NLRP13: variants seen among roughly 807,000 people sequenced by gnomAD.
NLRP13 encodes NLR family pyrin domain containing 13.
In NLRP13, 82 loss-of-function variants were observed where a neutral mutation model predicts 94.4. The ratio of observed to expected loss-of-function variants is 0.87; its 90% CI spans 0.73 to 1.04. The LOEUF is 1.04. Ranked by LOEUF, NLRP13 falls within the 50% of genes least tolerant of loss-of-function variation. The pLI is 0.00. For missense variants in NLRP13, 1,426 were observed against 1,230.8 expected, an observed-to-expected ratio of 1.16 and a Z score of -2.37; for synonymous variants, 553 against 464.7, an observed-to-expected ratio of 1.19 and a Z score of -2.45.
At position 55,932,053 on chromosome 19, in the gene NLRP13, C is replaced by A. The variant is rs184435930; in HGVS notation, c.259G>T (p.Gly87Cys). 3.1e-6 allele frequency: 5 copies of A among 1,614,042 alleles called. No homozygotes were observed. Among genetic ancestry groups the A allele is most frequent in the Non-Finnish European group, 3.4e-6 (4 of 1,180,016 alleles). ...PKGQAWKVVLGIFQTMNLTSL... is the reference protein window; with the variant it reads ...PKGQAWKVVLCIFQTMNLTSL... Reference sequence around the variant, plus strand: ...GTCAGATTCATTGTCTGGAAGATGCCGAGGACCACTTTCCATGCCTGACCT... The same window carrying A: ...GTCAGATTCATTGTCTGGAAGATGCAGAGGACCACTTTCCATGCCTGACCT... Residue 87 changes from glycine to cysteine, a missense_variant, in exon 1 of 11, where the codon GGC becomes TGC. Transcript: ENST00000342929.
At chr19:55,908,475 C>T (rs760498754) in intron 6 of NLRP13, among the ~76,000 whole-genome samples, 13 of 152,284 alleles carry the variant, frequency 8.5e-5, no homozygotes, top group Non-Finnish European at 1.0e-4. Context: ...TGCACACGTA[C>T]GTTCATTGCA....
chr19:55,929,627 G>A (rs570620833), intron 1 of NLRP13, among the ~76,000 whole-genome samples: 3 of 152,110 alleles, frequency 2.0e-5, no homozygotes, highest in African/African-American at 7.2e-5. Flanking sequence ...CCTGTCAGTG[G>A]GTGGGGGGCT....
downstream of NLRP13, among the ~76,000 whole-genome samples, chr19:55,894,001 C>A (rs1985930008): frequency 6.7e-6 from 1 of 149,932 alleles, no homozygotes; most frequent in Non-Finnish European, 1.5e-5. Context: ...CTGAGATGTA[C>A]CAGTAACAGC....
chr19:55,923,428 G>C (rs1303917737), intron 4 of NLRP13, among the ~76,000 whole-genome samples: 2 of 152,200 alleles, frequency 1.3e-5, no homozygotes, highest in Non-Finnish European at 2.9e-5. Context: ...AGAATGCAGG[G>C]AAGTTTATCT....
At chr19:55,929,469 T>C (rs1010067927) in intron 1 of NLRP13, among the ~76,000 whole-genome samples, 3 of 152,208 alleles carry the variant, frequency 2.0e-5, no homozygotes, top group African/African-American at 7.2e-5. Flanking sequence ...GTTCATGTCC[T>C]TCGCAGGGAC....
chr19:55,901,921 G>A (rs1986190668), intron 9 of NLRP13, 114 bp downstream of exon 9: 28 of 1,092,342 alleles, frequency 2.6e-5, no homozygotes, highest in Non-Finnish European at 3.6e-5. Context: ...GCTCCTCCAT[G>A]GCAAAGAGCT....
Position 55,910,641 on chromosome 19 carries a change from T to C in NLRP13, c.2204A>G (p.Asn735Ser). 6.2e-7 allele frequency: 1 copy of C among 1,613,904 alleles called. No homozygotes were observed. Among genetic ancestry groups the C allele is most frequent in the Non-Finnish European group, 8.5e-7 (1 of 1,179,780 alleles). ...NENLHELDLS[N>S]SKLHASSVKG... Reference sequence around the variant, plus strand: ...CACAGAGGAAGCATGAAGTTTGCTGTTACTCAGGTCTAGCTCATGCAGATT... The same window carrying C: ...CACAGAGGAAGCATGAAGTTTGCTGCTACTCAGGTCTAGCTCATGCAGATT... The change falls in exon 6 of 11, where the codon AAC (asparagine) becomes AGC (serine). Residue 735 changes from asparagine (N) to serine (S), a missense_variant. Asn to Ser is a conservative substitution (Grantham distance 46, BLOSUM62 1). Transcript: ENST00000342929.
rs143592828 is a variant in NLRP13, at chr19:55,900,645, G to A, written c.2789+1390C>T. Among the ~76,000 whole-genome samples, 727 of 151,888 alleles carry A rather than the reference G, an allele frequency of 4.8e-3. 22 individuals carry two copies. In the South Asian group the frequency reaches 0.084, roughly 18 times the overall value. On this transcript the variant is annotated intron_variant, in intron 9 of 10. Transcript: ENST00000342929. ...CAAAAAATTAGCCGGGCATGGTGGCGGGCACCCGTAGTCCCAGCTACACGG... is the reference window on the plus strand; with the variant it reads ...CAAAAAATTAGCCGGGCATGGTGGCAGGCACCCGTAGTCCCAGCTACACGG...
chr19:55,900,935 A>G (rs2123106522), intron 9 of NLRP13, among the ~76,000 whole-genome samples: 1 of 152,132 alleles, frequency 6.6e-6, no homozygotes, highest in South Asian at 2.1e-4. Flanking sequence ...CTAAAGTTTC[A>G]AAATCCCCTG....
chr19:55,932,037 A>G lies in NLRP13; in HGVS notation c.275T>C (p.Met92Thr), dbSNP rs1166592838. 1.2e-6 allele frequency: 2 copies of G among 1,613,914 alleles called. No homozygotes were observed. The highest frequency in any genetic ancestry group is 8.5e-7 in the Non-Finnish European group (1 of 1,180,000). ...WKVVLGIFQT[M>T]NLTSLCEKVR... is the part of the protein sequence containing the mutation. ...TTTCTCACACAGTGAGGTCAGATTC[A>G]TTGTCTGGAAGATGCCGAGGACCAC... The change falls in exon 1 of 11, where the codon ATG (methionine) becomes ACG (threonine). Residue 92 changes from methionine (M) to threonine (T), a missense_variant. Coordinates refer to ENST00000342929, the MANE Select transcript of NLRP13 (RefSeq NM_176810.2).
chr19:55,919,145 T>C (rs1207390708), intron 4 of NLRP13, among the ~76,000 whole-genome samples: 1 of 152,028 alleles, frequency 6.6e-6, no homozygotes, highest in Non-Finnish European at 1.5e-5. Context: ...TACAGATGCA[T>C]AGAAGCATTT....
intron 4 of NLRP13, among the ~76,000 whole-genome samples, chr19:55,916,886 G>C (rs1986688853): frequency 6.6e-6 from 1 of 152,026 alleles, no homozygotes; most frequent in Non-Finnish European, 1.5e-5. Context: ...AAAATGCATT[G>C]CAAGAAGGGC....
At chr19:55,900,238 A>T (rs1205451294) in intron 9 of NLRP13, among the ~76,000 whole-genome samples, 1 of 131,510 alleles carries the variant, frequency 7.6e-6, no homozygotes, top group Admixed American at 8.0e-5. Flanking sequence ...ACAAAATGAA[A>T]CAGGTTAAAA....
intron 2 of NLRP13, 95 bp downstream of exon 2, chr19:55,924,872 T>C: frequency 1.8e-6 from 2 of 1,116,562 alleles, no homozygotes; most frequent in Non-Finnish European, 2.7e-6. Context: ...GCACTATAAA[T>C]TCAAGAAATT....
rs369814529 is a variant in NLRP13, at chr19:55,902,097, G to T, written c.2727C>A (p.Asp909Glu). 1.9e-6 allele frequency: 3 copies of T among 1,614,118 alleles called. No individual in the cohort carries two copies. The highest frequency in any genetic ancestry group is 1.7e-6 in the Non-Finnish European group (2 of 1,180,008). Reference sequence around the variant, plus strand: ...CCTCACACAGGAACTTGACTCCCTCGTCTCTCAGGCTGTTCTTGCTCAGAT... The same window carrying T: ...CCTCACACAGGAACTTGACTCCCTCTTCTCTCAGGCTGTTCTTGCTCAGAT... ...HLNLSKNSLRDEGVKFLCEAL... is the reference protein window; with the variant it reads ...HLNLSKNSLREEGVKFLCEAL... Residue 909 changes from aspartate (D) to glutamate (E), a missense_variant, in exon 9 of 11, where the codon GAC (aspartate) becomes GAA (glutamate). Physicochemically the swap from Asp to Glu is conservative, Grantham distance 45. Coordinates refer to ENST00000342929, the MANE Select transcript of NLRP13 (RefSeq NM_176810.2).
downstream of NLRP13, among the ~76,000 whole-genome samples, chr19:55,893,099 G>A (rs1985901742): frequency 6.6e-6 from 1 of 152,102 alleles, no homozygotes; most frequent in South Asian, 2.1e-4. Context: ...GCCATTAAAA[G>A]TAATGGCGGC....
At chr19:55,898,533 C>T (rs181756361) in intron 10 of NLRP13, among the ~76,000 whole-genome samples, 220 of 151,464 alleles carry the variant, frequency 1.5e-3, no homozygotes, top group Non-Finnish European at 2.4e-3. Context: ...TTAGTAGAGA[C>T]GGGGTTTCCC....
At position 55,925,038 on chromosome 19, in the gene NLRP13, G is replaced by C. The variant is rs1568446524; in HGVS notation, c.320-3C>G. 1 of 1,613,592 alleles carries C rather than the reference G, an allele frequency of 6.2e-7. No individual in the cohort carries two copies. On this transcript the variant is annotated splice_region_variant and splice_polypyrimidine_tract_variant and intron_variant, in intron 1 of 10. Coordinates refer to ENST00000342929, the MANE Select transcript of NLRP13 (RefSeq NM_176810.2). ...CAGCTCTTGGGTCTGCACATTCTCT[G>C]AAACAAACAGTGATGATGACATATG...
downstream of NLRP13, among the ~76,000 whole-genome samples, chr19:55,895,058 T>C (rs997627704): frequency 2.2e-4 from 33 of 152,150 alleles, no homozygotes; most frequent in Non-Finnish European, 1.2e-4. Context: ...AAAATTACTT[T>C]GTACCAACCT....
Sources: allele counts gnomAD v4.1 joint callset (sites outside exome capture counted in the v4.1 genomes callset), GRCh38; gene constraint gnomAD v4.1.1; transcripts MANE v1.5; gene names NCBI Gene and HGNC (gene_info 2026-07-23, HGNC 2026-07-21).